The following ANTXR1 variants were observed in gnomAD, a reference collection of about 807,000 sequenced individuals.
The protein encoded by ANTXR1 is ANTXR cell adhesion molecule 1.
Under a neutral mutation model 78.1 loss-of-function variants are expected in ANTXR1, and 19 were observed. The observed-to-expected ratio is 0.24, with a 90% CI of 0.17 to 0.36. ANTXR1 has a LOEUF of 0.36. Among genes scored for constraint, ANTXR1 ranks in the 10% least tolerant of loss-of-function variants. The probability of loss-of-function intolerance (pLI) is 1.00; values close to 1 mark genes in which losing one functional copy is unlikely to be tolerated. For missense variants in ANTXR1, 518 were observed against 718.6 expected, an observed-to-expected ratio of 0.72 and a Z score of 3.19; for synonymous variants, 273 against 260.5, an observed-to-expected ratio of 1.05 and a Z score of -0.46.
chr2:69,145,840 C>T (rs1673210571), intron 12 of ANTXR1: 1 of 987,250 alleles, frequency 1.0e-6, no homozygotes, highest in Non-Finnish European at 1.2e-6. Context: ...CAAGCCCTGG[C>T]AAGATATTTC....
At chr2:69,112,152 T>C (rs1433960241) in intron 10 of ANTXR1, among the ~76,000 whole-genome samples, 1 of 152,148 alleles carries the variant, frequency 6.6e-6, no homozygotes, top group East Asian at 1.9e-4. Flanking sequence ...CCAGGGAGCT[T>C]CCGCCAAGTG....
rs190495622 is a variant in ANTXR1 at position 69,129,549 on chromosome 2, C to G, written c.951+4906C>G. Among the ~76,000 whole-genome samples, 23 of 152,132 alleles carry G rather than the reference C, an allele frequency of 1.5e-4. 1 individual carries two copies. The highest frequency in any genetic ancestry group is 3.4e-3 in the Middle Eastern group (1 of 294). ...CGGGCAGTTCACAAGGTCAAGAGAT[C>G]GAGACCATCCTGGCCAACATGGTGA... On this transcript the variant is annotated intron_variant, in intron 12 of 17. Coordinates refer to ENST00000303714, the MANE Select transcript of ANTXR1 (RefSeq NM_032208.3).
chr2:69,035,415 T>A (rs532374949), intron 1 of ANTXR1, among the ~76,000 whole-genome samples: 1 of 152,186 alleles, frequency 6.6e-6, no homozygotes, highest in African/African-American at 2.4e-5. Context: ...AATGCCTGCA[T>A]GTGTGGGTTA....
intron 12 of ANTXR1, among the ~76,000 whole-genome samples, chr2:69,148,841 T>C (rs1673308767): frequency 6.6e-6 from 1 of 152,214 alleles, no homozygotes; most frequent in South Asian, 2.1e-4. Flanking sequence ...GGTTAATTGT[T>C]TATACGAATG....
chr2:69,129,536 A>G (rs535064205), intron 12 of ANTXR1, among the ~76,000 whole-genome samples: 2 of 152,154 alleles, frequency 1.3e-5, no homozygotes, highest in South Asian at 4.2e-4. Context: ...GGCAGTTCAC[A>G]AGGTCAAGAG....
chr2:69,051,916 T>G lies in ANTXR1; in HGVS notation c.296+7103T>G, dbSNP rs373783192. ...AGATTAGTATTATTAAACTTGAATTTTGTTTGCACTTCCTGATATATCTTT... is the reference window on the plus strand; with the variant it reads ...AGATTAGTATTATTAAACTTGAATTGTGTTTGCACTTCCTGATATATCTTT... On this transcript the variant is annotated intron_variant, in intron 3 of 17. Transcript: ENST00000303714. Among the ~76,000 whole-genome samples, 35 of 152,280 alleles carry G rather than the reference T, an allele frequency of 2.3e-4. No homozygotes were observed. The South Asian group carries it at 7.0e-3, about 31-fold the overall frequency.
Position 69,108,335 on chromosome 2 carries a change from C to G in ANTXR1, c.802+5395C>G, listed in dbSNP as rs149372620. Among the ~76,000 whole-genome samples, 113 of 152,108 alleles carry G rather than the reference C, an allele frequency of 7.4e-4. No homozygotes were observed. The East Asian group carries it at 7.7e-3, about 10-fold the overall frequency. On this transcript the variant is annotated intron_variant, in intron 10 of 17. Transcript: ENST00000303714. Reference sequence around the variant, plus strand: ...AGAGTGAACAGAACTACTAGGCTACCGAGAGGGTAATTAAGTTGGATGACT... The same window carrying G: ...AGAGTGAACAGAACTACTAGGCTACGGAGAGGGTAATTAAGTTGGATGACT...
chr2:69,102,734 A>T, intron 9 of ANTXR1, 108 bp from the exon 10 acceptor site: 1 of 1,222,374 alleles, frequency 8.2e-7, no homozygotes, highest in South Asian at 1.2e-5. Context: ...TTAATTTTTG[A>T]ATATTTTAAG....
chr2:69,068,314 A>C (rs1670463286), intron 3 of ANTXR1, among the ~76,000 whole-genome samples: 1 of 152,262 alleles, frequency 6.6e-6, no homozygotes, highest in East Asian at 1.9e-4. Flanking sequence ...TATTAGTTAT[A>C]AAATATCTTA....
intron 10 of ANTXR1, among the ~76,000 whole-genome samples, chr2:69,108,385 C>T (rs937634116): frequency 2.6e-5 from 4 of 152,100 alleles, no homozygotes. Context: ...TTGCTTATAA[C>T]AATCAGTAGC....
At chr2:69,058,295 C>A (rs1173267844) in intron 3 of ANTXR1, among the ~76,000 whole-genome samples, 1 of 152,188 alleles carries the variant, frequency 6.6e-6, no homozygotes, top group African/African-American at 2.4e-5. Context: ...AAGTCAAAGC[C>A]TGGCTTCAAA....
chr2:69,035,310 G>A (rs181437911), intron 1 of ANTXR1, among the ~76,000 whole-genome samples: 12 of 152,210 alleles, frequency 7.9e-5, no homozygotes, highest in East Asian at 7.7e-4. Context: ...AATATAAGCA[G>A]TACCCCCAAC....
At chr2:69,145,540 G>T (rs1673199338) in intron 12 of ANTXR1, 1 of 1,423,386 alleles carries the variant, frequency 7.0e-7, no homozygotes, top group Non-Finnish European at 9.2e-7. Flanking sequence ...AGAAACATCA[G>T]GAGGGACAGG....
intron 1 of ANTXR1, among the ~76,000 whole-genome samples, chr2:69,034,275 G>A (rs140953910): frequency 1.3e-5 from 2 of 152,340 alleles, no homozygotes; most frequent in South Asian, 4.1e-4. Flanking sequence ...CCATGGTCTA[G>A]TGAGCCCTTC....
At chr2:69,021,804 G>C (rs1469360382) in intron 1 of ANTXR1, among the ~76,000 whole-genome samples, 1 of 152,210 alleles carries the variant, frequency 6.6e-6, no homozygotes, top group Non-Finnish European at 1.5e-5. Flanking sequence ...GCCATTGAGA[G>C]AGAATAAAGA....
intron 1 of ANTXR1, among the ~76,000 whole-genome samples, chr2:69,030,250 T>G (rs981743802): frequency 1.3e-5 from 2 of 152,210 alleles, no homozygotes; most frequent in African/African-American, 4.8e-5. Context: ...CCAGTTGGTT[T>G]CATGGAAAGT....
intron 1 of ANTXR1, among the ~76,000 whole-genome samples, chr2:69,017,381 C>T (rs938224882): frequency 3.3e-5 from 5 of 152,130 alleles, no homozygotes; most frequent in Non-Finnish European, 5.9e-5. Context: ...AGTCTGAAAC[C>T]GAGGGATCAT....
Position 69,247,404 on chromosome 2 carries a change from A to T in ANTXR1, c.*1919A>T, listed in dbSNP as rs1219260992. 5 of 152,814 alleles carry T rather than the reference A, an allele frequency of 3.3e-5. No individual in the cohort carries two copies. The Admixed American group carries it at 3.3e-4, about 10-fold the overall frequency. 9.5% of individuals were successfully genotyped at this position (152,814 alleles called of 1,614,324 possible). A position where few individuals can be genotyped will look rare whatever the true frequency, so the allele number is the denominator to read the frequency against. ...GCCAACACCAAACTGACACATCTCC[A>T]GGTGTACCTCCAACCCTAGCCTTCT... On this transcript the variant is annotated 3_prime_UTR_variant, in exon 18 of 18. Transcript: ENST00000303714.
intron 12 of ANTXR1, chr2:69,145,202 G>A (rs11680110): frequency 3.1e-5 from 29 of 929,390 alleles, no homozygotes; most frequent in African/African-American, 9.9e-5. Flanking sequence ...GCAGAGTTAC[G>A]GGGGGCTGAT....
Sources: gnomAD v4.1 joint callset for allele counts (sites outside exome capture counted in the v4.1 genomes callset) on GRCh38, gnomAD v4.1.1 for gene constraint, MANE v1.5 for transcripts, NCBI Gene and HGNC (gene_info 2026-07-23, HGNC 2026-07-21) for gene names.